Variants in DSE observed in about 807,000 individuals in gnomAD.
DSE encodes dermatan sulfate epimerase.
DSE carries 36 observed loss-of-function variants against 84.4 expected under a neutral mutation model. The ratio of observed to expected loss-of-function variants is 0.43; its 90% confidence interval spans 0.33 to 0.56. The LOEUF (loss-of-function observed/expected upper bound fraction) is 0.56, where lower values mean the gene tolerates loss of function less well. DSE is among the 20% of genes least tolerant of loss of function. DSE has a pLI of 0.06. For synonymous variants in DSE, 410 were observed against 430.1 expected (o/e 0.95, Z 0.58); for missense variants, 862 against 1,169.6 (o/e 0.74, Z 3.84).
intron 2 of DSE, among the ~76,000 whole-genome samples, chr6:116,319,573 A>G (rs1419581372): frequency 6.6e-6 from 1 of 152,222 alleles, no homozygotes; most frequent in Non-Finnish European, 1.5e-5. Context: ...AAGTGAACGT[A>G]TTTGTTGAAA....
chr6:116,346,356 T>C (rs1234045478), intron 2 of DSE, among the ~76,000 whole-genome samples: 1 of 152,184 alleles, frequency 6.6e-6, no homozygotes, highest in Non-Finnish European at 1.5e-5. Flanking sequence ...TGAACATCGA[T>C]GCAAAAATCC....
At chr6:116,341,301 T>A (rs918939554) in intron 2 of DSE, among the ~76,000 whole-genome samples, 2 of 152,216 alleles carry the variant, frequency 1.3e-5, no homozygotes, top group Non-Finnish European at 1.5e-5. Flanking sequence ...TGTCTATTCA[T>A]ATCCTTCACC....
intron 2 of DSE, among the ~76,000 whole-genome samples, chr6:116,307,749 C>T (rs1775436328): frequency 1.3e-5 from 2 of 152,168 alleles, no homozygotes; most frequent in Admixed American, 6.5e-5. Context: ...GAAAACAAAA[C>T]ACTGTGCAGC....
chr6:116,393,938 A>C lies in DSE; in HGVS notation c.-53-5260A>C, dbSNP rs527743181. Among the ~76,000 whole-genome samples the C allele has an allele frequency of 3.9e-5, 6 of 152,304 alleles. No individual in the cohort carries two copies. The South Asian group carries it at 1.2e-3, about 32-fold the overall frequency. On this transcript the variant is annotated intron_variant, in intron 1 of 5. Coordinates refer to ENST00000644252, the MANE Select transcript of DSE (RefSeq NM_013352.4). ...CCAAATCTTTTTTGAAACTTGATGTACTAGTTTAGTGTTCAGTTTTTTCTT... is the reference window on the plus strand; with the variant it reads ...CCAAATCTTTTTTGAAACTTGATGTCCTAGTTTAGTGTTCAGTTTTTTCTT...
chr6:116,407,077 C>G (rs1399783270), intron 2 of DSE, among the ~76,000 whole-genome samples: 1 of 152,208 alleles, frequency 6.6e-6, no homozygotes, highest in Non-Finnish European at 1.5e-5. Flanking sequence ...ATAGGACACT[C>G]TTTCTTAAAG....
chr6:116,370,321 G>T (rs944713940), upstream of DSE: 4 of 322,550 alleles, frequency 1.2e-5, no homozygotes, highest in African/African-American at 8.9e-5. Flanking sequence ...GGTGCGCTTG[G>T]ATTTAGTGTA....
At chr6:116,354,672 T>A (rs182252496) in intron 2 of DSE, among the ~76,000 whole-genome samples, 1 of 152,282 alleles carries the variant, frequency 6.6e-6, no homozygotes, top group Non-Finnish European at 1.5e-5. Context: ...AAACATGAAA[T>A]CCATGTTCAT....
At chr6:116,259,314 G>A (rs1772300136) in intron 2 of DSE, 5 of 494,294 alleles carry the variant, frequency 1.0e-5, no homozygotes, top group Non-Finnish European at 1.8e-5. Context: ...GGTTATACCT[G>A]TAGACTTACC....
At chr6:116,298,561 A>G (rs963413901) in intron 2 of DSE, among the ~76,000 whole-genome samples, 2 of 152,214 alleles carry the variant, frequency 1.3e-5, no homozygotes, top group Admixed American at 1.3e-4. Context: ...GGTTCCAGAA[A>G]GAAATGTAGC....
chr6:116,412,000 G>GT (rs1279950837), intron 2 of DSE, among the ~76,000 whole-genome samples: 4 of 152,132 alleles, frequency 2.6e-5, no homozygotes, highest in East Asian at 1.9e-4. Flanking sequence ...TATTTATTCT[G>GT]TTTTTTTGGC....
chr6:116,418,386 A>G (rs541880717), intron 2 of DSE, among the ~76,000 whole-genome samples: 2 of 152,302 alleles, frequency 1.3e-5, no homozygotes, highest in South Asian at 2.1e-4. Context: ...AAGGGGCCCA[A>G]GGTTCTGAAG....
chr6:116,398,835 T>C (rs931033862), intron 1 of DSE, among the ~76,000 whole-genome samples: 1 of 152,226 alleles, frequency 6.6e-6, no homozygotes, highest in Non-Finnish European at 1.5e-5. Flanking sequence ...CATTACCAGC[T>C]TTTGGTTATT....
intron 1 of DSE, among the ~76,000 whole-genome samples, chr6:116,389,815 C>CT (rs1190278008): frequency 6.6e-6 from 1 of 151,906 alleles, no homozygotes; most frequent in Non-Finnish European, 1.5e-5. Flanking sequence ...ATCTTTTACT[C>CT]TTTAGAGAAA....
intron 2 of DSE, among the ~76,000 whole-genome samples, chr6:116,303,721 G>C (rs1050476779): frequency 2.0e-5 from 3 of 152,080 alleles, no homozygotes; most frequent in African/African-American, 7.2e-5. Flanking sequence ...CAATTCAGAA[G>C]GGCCATAGAT....
At chr6:116,332,730 T>C (rs1255875600) in intron 2 of DSE, among the ~76,000 whole-genome samples, 1 of 152,132 alleles carries the variant, frequency 6.6e-6, no homozygotes, top group African/African-American at 2.4e-5. Flanking sequence ...CCTCAGTTTA[T>C]GAAAAGACAC....
chr6:116,410,225 C>T (rs1782229943), intron 2 of DSE, among the ~76,000 whole-genome samples: 1 of 152,144 alleles, frequency 6.6e-6, no homozygotes, highest in Non-Finnish European at 1.5e-5. Flanking sequence ...AAGTACAACA[C>T]AGGTCAAGAA....
At chr6:116,380,674 C>T (rs1053729819) in intron 1 of DSE, among the ~76,000 whole-genome samples, 1 of 152,156 alleles carries the variant, frequency 6.6e-6, no homozygotes, top group African/African-American at 2.4e-5. Flanking sequence ...TTATTTTCCA[C>T]AAGGGTGTTT....
intron 2 of DSE, among the ~76,000 whole-genome samples, chr6:116,293,192 C>G (rs980008017): frequency 6.6e-6 from 1 of 151,864 alleles, no homozygotes; most frequent in Non-Finnish European, 1.5e-5. Flanking sequence ...AGTTATTGGG[C>G]TTGTATTTAA....
At chr6:116,315,719 G>A (rs1366576444) in intron 2 of DSE, among the ~76,000 whole-genome samples, 4 of 152,084 alleles carry the variant, frequency 2.6e-5, no homozygotes, top group African/African-American at 7.2e-5. Flanking sequence ...CTACAAATGC[G>A]GGCTGGGCAC....
Sources: allele counts gnomAD v4.1 joint callset (sites outside exome capture counted in the v4.1 genomes callset), GRCh38; gene constraint gnomAD v4.1.1; transcripts MANE v1.5; gene names NCBI Gene and HGNC (gene_info 2026-07-23, HGNC 2026-07-21).